TJP2: variants seen among roughly 807,000 people sequenced by gnomAD.
TJP2 encodes the protein tight junction protein 2, also known as Friedreich ataxia region gene X104 (tight junction protein ZO-2).
A neutral mutation model predicts 133.1 loss-of-function variants in TJP2; 91 were observed. The ratio of observed to expected loss-of-function variants is 0.68; its 90% CI spans 0.58 to 0.81. TJP2 has a LOEUF of 0.81. TJP2 is among the 40% of genes least tolerant of loss of function. The probability of loss-of-function intolerance (pLI) is 0.00; values close to 1 mark genes in which losing one functional copy is unlikely to be tolerated. For synonymous variants in TJP2, 592 were observed against 583.4 expected, an observed-to-expected ratio of 1.01 and a Z score of -0.21; for missense variants, 1,541 against 1,565.6, an observed-to-expected ratio of 0.98 and a Z score of 0.26.
In TJP2 at chr9:69,238,695, T is replaced by G. The variant is rs368047402; in HGVS notation, c.2276-15T>G. On this transcript the variant is annotated splice_polypyrimidine_tract_variant and intron_variant, in intron 15 of 22. Transcript: ENST00000377245. ...TTCTAAACAATTATTTAGCTTCCTG[T>G]TTTTGCTTTTGCAGAAACGGAACCA... 2.5e-6 allele frequency: 4 copies of G among 1,610,274 alleles called. No individual in the cohort carries two copies. The highest frequency in any genetic ancestry group is 1.7e-5 in the Admixed American group (1 of 59,946).
chr9:69,247,734 A>C (rs545078588), intron 18 of TJP2, among the ~76,000 whole-genome samples: 1 of 152,296 alleles, frequency 6.6e-6, no homozygotes, highest in South Asian at 2.1e-4. Context: ...GAAGAAAAGC[A>C]AGACAGACTG....
At chr9:69,216,056 A>G (rs1404341848) in intron 2 of TJP2, among the ~76,000 whole-genome samples, 1 of 152,174 alleles carries the variant, frequency 6.6e-6, no homozygotes, top group Non-Finnish European at 1.5e-5. Context: ...GACTGAAGAC[A>G]TTGTTTCCTA....
chr9:69,196,505 A>T (rs1826569421), intron 1 of TJP2, among the ~76,000 whole-genome samples: 1 of 152,180 alleles, frequency 6.6e-6, no homozygotes, highest in Admixed American at 6.5e-5. Flanking sequence ...GATGGAGGAA[A>T]CTGAGGCAAG....
chr9:69,178,061 T>A (rs1274972876), intron 1 of TJP2, among the ~76,000 whole-genome samples: 1 of 151,932 alleles, frequency 6.6e-6, no homozygotes, highest in Non-Finnish European at 1.5e-5. Flanking sequence ...GTCTCTATCA[T>A]CCAGCTGGCC....
chr9:69,211,059 G>A lies in TJP2; in HGVS notation c.61-1489G>A, dbSNP rs569935816. 1.8e-4 allele frequency among the ~76,000 whole-genome samples: 28 copies of A among 152,268 alleles called. 1 individual carries two copies. In the East Asian group the frequency reaches 5.2e-3, roughly 28 times the overall value. On this transcript the variant is annotated intron_variant, in intron 1 of 22. Coordinates refer to ENST00000377245, the MANE Select transcript of TJP2 (RefSeq NM_004817.4). ...TTCTTAAAACATAAACACATAGTCC[G>A]GGTGGCTTGGTGGCTCATGCCTGTA...
At chr9:69,164,202 T>C (rs938646989) in intron 2 of TJP2, among the ~76,000 whole-genome samples, 3 of 152,234 alleles carry the variant, frequency 2.0e-5, no homozygotes, top group African/African-American at 7.2e-5. Flanking sequence ...GCAGGTTTTT[T>C]CTAAGGCCAC....
intron 2 of TJP2, among the ~76,000 whole-genome samples, chr9:69,169,265 G>T (rs1824537349): frequency 6.6e-6 from 1 of 151,616 alleles, no homozygotes; most frequent in African/African-American, 2.4e-5. Flanking sequence ...AGGCATTCAA[G>T]AAAGGTTTGT....
intron 15 of TJP2, 78 bp downstream of exon 15, chr9:69,238,051 AACACCCACGT>A: frequency 2.0e-6 from 2 of 980,814 alleles, no homozygotes; most frequent in South Asian, 2.7e-5. Context: ...AAGAATCATG[AACACCCACGT>A]ACCCTTCACC....
At chr9:69,252,144 G>A (rs1009686261) in intron 21 of TJP2, among the ~76,000 whole-genome samples, 4 of 151,994 alleles carry the variant, frequency 2.6e-5, no homozygotes, top group African/African-American at 9.7e-5. Context: ...ACAGGCACAT[G>A]CCACTGCACC....
chr9:69,172,329 C>A (rs950208966), upstream of TJP2, among the ~76,000 whole-genome samples: 2 of 152,196 alleles, frequency 1.3e-5, no homozygotes, highest in Non-Finnish European at 2.9e-5. Context: ...AATATTTCAT[C>A]ATTTCGAGTA....
chr9:69,140,906 G>T (rs1822991475), intron 1 of TJP2, among the ~76,000 whole-genome samples: 1 of 152,168 alleles, frequency 6.6e-6, no homozygotes, highest in African/African-American at 2.4e-5. Context: ...GAGTGCAGTG[G>T]TGCGATCTTG....
At chr9:69,225,826 T>TA (rs1829304425) in intron 6 of TJP2, among the ~76,000 whole-genome samples, 196 bp from the exon 7 acceptor site, 1 of 152,220 alleles carries the variant, frequency 6.6e-6, no homozygotes, top group Non-Finnish European at 1.5e-5. Context: ...CAGAGTAACT[T>TA]ACACCTGTAT....
intron 3 of TJP2, among the ~76,000 whole-genome samples, chr9:69,216,976 A>C (rs1430382259): frequency 1.5e-5 from 2 of 135,428 alleles, no homozygotes; most frequent in East Asian, 2.2e-4. Flanking sequence ...ATTTTTAATA[A>C]ATTTTTTCTT....
At chr9:69,186,918 G>GA (rs1825896125) in intron 1 of TJP2, among the ~76,000 whole-genome samples, 1 of 152,074 alleles carries the variant, frequency 6.6e-6, no homozygotes, top group Non-Finnish European at 1.5e-5. Context: ...CCACAATCAG[G>GA]AATTTGTTAG....
intron 5 of TJP2, among the ~76,000 whole-genome samples, chr9:69,223,175 T>C (rs1422010646): frequency 6.6e-6 from 1 of 151,364 alleles, no homozygotes; most frequent in Non-Finnish European, 1.5e-5. Context: ...AAAACCACAG[T>C]GGAGGACAGT....
intron 1 of TJP2, among the ~76,000 whole-genome samples, chr9:69,194,846 A>G (rs1014705673): frequency 6.6e-6 from 1 of 152,222 alleles, no homozygotes; most frequent in African/African-American, 2.4e-5. Context: ...GGGGTTGGCT[A>G]CGTAATACCC....
chr9:69,228,415 C>A (rs1563935393), intron 9 of TJP2, among the ~76,000 whole-genome samples: 1 of 152,176 alleles, frequency 6.6e-6, no homozygotes, highest in Non-Finnish European at 1.5e-5. Context: ...GTATCATGCT[C>A]ACACCTTGGT....
At chr9:69,185,881 CT>C (rs34030534) in intron 1 of TJP2, among the ~76,000 whole-genome samples, 56,268 of 135,082 alleles carry the variant, frequency 0.42, 9,782 homozygotes, top group South Asian at 0.5. Flanking sequence ...TAATGTAGTC[CT>C]TTTTTTTTTT....
chr9:69,196,974 CA>C (rs1564425750), intron 1 of TJP2, among the ~76,000 whole-genome samples: 5 of 150,670 alleles, frequency 3.3e-5, no homozygotes, highest in African/African-American at 1.2e-4. Context: ...CACACACACA[CA>C]CATGTTTTCT....
Sources: allele counts gnomAD v4.1 joint callset (sites outside exome capture counted in the v4.1 genomes callset), GRCh38; gene constraint gnomAD v4.1.1; transcripts MANE v1.5; gene names NCBI Gene and HGNC (gene_info 2026-07-23, HGNC 2026-07-21).